Variants in SPINK1 observed in about 807,000 individuals in gnomAD.
SPINK1 encodes serine protease inhibitor Kazal-type 1.
SPINK1 carries 5 observed loss-of-function variants against 9.5 expected under a neutral mutation model. The observed-to-expected ratio is 0.52, with a 90% confidence interval of 0.27 to 1.10. The LOEUF (loss-of-function observed/expected upper bound fraction) is 1.10, where lower values mean the gene tolerates loss of function less well. Among genes scored for constraint, SPINK1 ranks in the 50% least tolerant of loss-of-function variants. The pLI, the probability that SPINK1 is intolerant of heterozygous loss-of-function variation, is 0.11. For synonymous variants in SPINK1, 37 were observed against 32.3 expected, an observed-to-expected ratio of 1.14 and a Z score of -0.49; for missense variants, 88 against 92.7, an observed-to-expected ratio of 0.95 and a Z score of 0.21.
chr5:147,831,412 C>G, intron 1 of SPINK1, 111 bp downstream of exon 1: 1 of 1,408,082 alleles, frequency 7.1e-7, no homozygotes, highest in Admixed American at 1.9e-5. Context: ...TCATTAGGTC[C>G]AAAACATCTC....
In SPINK1 at chr5:147,828,035, A is replaced by G. The variant is rs1756440825; in HGVS notation, c.181T>C (p.Cys61Arg). Residue 61 changes from cysteine to arginine, a missense_variant, in exon 3 of 4, where the codon TGT becomes CGT. Coordinates refer to ENST00000296695, the MANE Select transcript of SPINK1 (RefSeq NM_001379610.1). ...GNTYPNECVL[C>R]FENRKRQTSI... ...GTTTGTACTCACCGATTTTCAAAAC[A>G]TAACACGCATTCATTGGGATAAGTA... 6.2e-7 allele frequency: 1 copy of G among 1,613,022 alleles called. No individual in the cohort carries two copies. Among genetic ancestry groups the G allele is most frequent in the Non-Finnish European group, 8.5e-7 (1 of 1,179,544 alleles).
In SPINK1 at chr5:147,824,630, G is replaced by A. The variant is rs1756365416; in HGVS notation, c.*31C>T. On this transcript the variant is annotated 3_prime_UTR_variant, in exon 4 of 4. Coordinates refer to ENST00000296695, the MANE Select transcript of SPINK1 (RefSeq NM_001379610.1). Reference sequence around the variant, plus strand: ...ACAATAAGGCCAGTCAGGCCTCGCGGTGACCTGATGGGATTTCAAAACCTT... The same window carrying A: ...ACAATAAGGCCAGTCAGGCCTCGCGATGACCTGATGGGATTTCAAAACCTT... 6.2e-7 allele frequency: 1 copy of A among 1,611,830 alleles called. No homozygotes were observed.
chr5:147,830,432 A>G (rs1024617982), intron 1 of SPINK1, among the ~76,000 whole-genome samples: 1 of 152,198 alleles, frequency 6.6e-6, no homozygotes, highest in South Asian at 2.1e-4. Flanking sequence ...TTTTAATATC[A>G]TCAATCTTTG....
the SPINK1 span, among the ~76,000 whole-genome samples, chr5:147,837,024 C>G: frequency 6.6e-6 from 1 of 152,162 alleles, no homozygotes; most frequent in Admixed American, 6.5e-5. Context: ...AATGACAGAC[C>G]TCAGTTCAAA....
chr5:147,829,751 C>T (rs376647067), intron 1 of SPINK1, 121 bp from the exon 2 acceptor site: 2 of 903,354 alleles, frequency 2.2e-6, no homozygotes, highest in East Asian at 2.6e-5. Flanking sequence ...TTTCATTCCC[C>T]ACCCTTTCTG....
At chr5:147,831,865 C>A, upstream of SPINK1, 1 of 1,262,256 alleles carries the variant, frequency 7.9e-7, no homozygotes, top group Non-Finnish European at 1.0e-6. Context: ...TGATCCCTAA[C>A]TCCCTCTGTG....
upstream of SPINK1, among the ~76,000 whole-genome samples, chr5:147,835,977 C>T (rs186389039): frequency 3.0e-4 from 45 of 152,136 alleles, no homozygotes; most frequent in Admixed American, 7.2e-4. Context: ...TGTACCCATC[C>T]TCTACAGCTT....
At chr5:147,837,401 A>G in the SPINK1 span, among the ~76,000 whole-genome samples, 6 of 152,188 alleles carry the variant, frequency 3.9e-5, no homozygotes, top group African/African-American at 1.2e-4. Context: ...GTGGACCTGT[A>G]GATACTTCAC....
Position 147,824,696 on chromosome 5 carries a change from T to C in SPINK1, c.205A>G (p.Thr69Ala), listed in dbSNP as rs543704459. 1.9e-6 allele frequency: 3 copies of C among 1,614,028 alleles called. No homozygotes were observed. Among genetic ancestry groups the C allele is most frequent in the South Asian group, 2.2e-5 (2 of 91,084 alleles). The change falls in exon 4 of 4, where the codon ACT becomes GCT. Residue 69 changes from threonine (T) to alanine (A), a missense_variant. Transcript: ENST00000296695. ...CCAGATTTTTGAATGAGGATAGAAG[T>C]CTGGCGTTTCCTGCAGTAGAGATTA... ...VLCFENRKRQTSILIQKSGPC is the reference protein window; with the variant it reads ...VLCFENRKRQASILIQKSGPC
upstream of SPINK1, among the ~76,000 whole-genome samples, chr5:147,832,127 A>C (rs1215847207): frequency 6.6e-6 from 1 of 152,204 alleles, no homozygotes; most frequent in Non-Finnish European, 1.5e-5. Context: ...ATGGAGTGGC[A>C]GATGAGAGGG....
intron 1 of SPINK1, 91 bp from the exon 2 acceptor site, chr5:147,829,721 G>T: frequency 8.5e-7 from 1 of 1,174,904 alleles, no homozygotes; most frequent in Non-Finnish European, 1.3e-6. Context: ...ATTGCAGACT[G>T]TGACTTCTTT....
intron 3 of SPINK1, 46 bp from the exon 4 acceptor site, chr5:147,824,752 T>A (rs769385758): frequency 2.5e-6 from 4 of 1,575,704 alleles, no homozygotes; most frequent in East Asian, 2.2e-5. Flanking sequence ...ACTTCACTGA[T>A]GAAAAAGTGA....
upstream of SPINK1, among the ~76,000 whole-genome samples, chr5:147,836,294 ATTTGTG>A (rs1756593493): frequency 8.9e-6 from 1 of 111,774 alleles, no homozygotes; most frequent in South Asian, 3.0e-4. Context: ...GTATTTACTG[ATTTGTG>A]TGTGTGTGTG....
Position 147,831,571 on chromosome 5 carries a change from C to T in SPINK1, c.7G>A (p.Val3Ile). The T allele has an allele frequency of 1.9e-6, 3 of 1,613,582 alleles. No homozygotes were observed. The highest frequency in any genetic ancestry group is 1.7e-6 in the Non-Finnish European group (2 of 1,179,826). Residue 3 changes from valine (V) to isoleucine (I), a missense_variant, in exon 1 of 4, where the codon GTA (valine) becomes ATA (isoleucine). Transcript: ENST00000296695. MK[V>I]TGIFLLSALA... ...GCACTGAGAAGAAAGATGCCTGTTA[C>T]CTTCATGGCTGAAGTTCTGCGTCCA...
intron 2 of SPINK1, among the ~76,000 whole-genome samples, chr5:147,828,981 A>C (rs562656235): frequency 1.3e-5 from 2 of 151,998 alleles, no homozygotes; most frequent in Non-Finnish European, 2.9e-5. Context: ...TCCTAACGGC[A>C]GCAGAACTTT....
chr5:147,835,551 C>T (rs1453944333), upstream of SPINK1, among the ~76,000 whole-genome samples: 1 of 152,028 alleles, frequency 6.6e-6, no homozygotes, highest in Admixed American at 6.6e-5. Flanking sequence ...GCTCTGAGTA[C>T]ATATTTATGC....
chr5:147,836,303 T>G (rs565470057), upstream of SPINK1, among the ~76,000 whole-genome samples: 1 of 110,532 alleles, frequency 9.0e-6, no homozygotes, highest in Non-Finnish European at 2.1e-5. Flanking sequence ...GATTTGTGTG[T>G]GTGTGTGTGT....
chr5:147,836,029 T>C (rs2127142972), upstream of SPINK1, among the ~76,000 whole-genome samples: 1 of 152,078 alleles, frequency 6.6e-6, no homozygotes, highest in East Asian at 1.9e-4. Flanking sequence ...AGGAAAGATT[T>C]ACTCACTTTC....
chr5:147,826,551 G>A (rs1756408002), intron 3 of SPINK1, among the ~76,000 whole-genome samples: 2 of 152,120 alleles, frequency 1.3e-5, no homozygotes, highest in South Asian at 4.1e-4. Flanking sequence ...AATGTTGAGC[G>A]GCACTTGGAA....
Sources: gnomAD v4.1 joint callset for allele counts (sites outside exome capture counted in the v4.1 genomes callset) on GRCh38, gnomAD v4.1.1 for gene constraint, MANE v1.5 for transcripts, NCBI Gene and HGNC (gene_info 2026-07-23, HGNC 2026-07-21) for gene names.